CIAPIN1: variants seen among roughly 807,000 people sequenced by gnomAD.
CIAPIN1 encodes anamorsin.
In CIAPIN1, 18 loss-of-function variants were observed where a neutral mutation model predicts 34.3. The ratio of observed to expected loss-of-function variants is 0.52; its 90% CI spans 0.36 to 0.78. The LOEUF is 0.78. Among genes scored for constraint, CIAPIN1 ranks in the 30% least tolerant of loss-of-function variants. The pLI is 0.00. For synonymous variants in CIAPIN1, 131 were observed against 140.4 expected (o/e 0.93, Z 0.47); for missense variants, 310 against 372.5 (o/e 0.83, Z 1.38).
At chr16:57,438,758 G>T (rs529170069) in intron 3 of CIAPIN1, among the ~76,000 whole-genome samples, 2 of 152,084 alleles carry the variant, frequency 1.3e-5, no homozygotes, top group East Asian at 1.9e-4. Context: ...GATCTCCACC[G>T]CCACAATTTT....
intron 4 of CIAPIN1, among the ~76,000 whole-genome samples, chr16:57,436,345 A>G (rs1333957436): frequency 6.6e-6 from 1 of 152,124 alleles, no homozygotes; most frequent in Non-Finnish European, 1.5e-5. Context: ...CTCCTGCCTC[A>G]GCCTCCTGAG....
intron 5 of CIAPIN1, among the ~76,000 whole-genome samples, chr16:57,433,212 C>T (rs558435993): frequency 6.6e-6 from 1 of 152,332 alleles, no homozygotes; most frequent in South Asian, 2.1e-4. Flanking sequence ...AAGGAAGAGG[C>T]AGAGAGCTGA....
Position 57,434,211 on chromosome 16 carries a change from A to T in CIAPIN1, c.389T>A (p.Leu130Gln). 6.2e-7 allele frequency: 1 copy of T among 1,613,876 alleles called. No homozygotes were observed. The highest frequency in any genetic ancestry group is 1.1e-5 in the South Asian group (1 of 91,006). Residue 130 changes from leucine (L) to glutamine (Q), a missense_variant and splice_region_variant, in exon 5 of 9, where the codon CTG becomes CAG. Leu to Gln is a moderately radical substitution (Grantham distance 113, BLOSUM62 -2). Coordinates refer to ENST00000394391, the MANE Select transcript of CIAPIN1 (RefSeq NM_020313.4). ...CTCAGGGGTTAGGGGCTCCCGCTGC[A>T]GCTAGAATTCAAGACATCAAAAGGA... ...TLSGLVEVKE[L>Q]QREPLTPEEV...
chr16:57,433,523 CTGTGTGTGTG>C (rs147834361), intron 5 of CIAPIN1: 4 of 156,034 alleles, frequency 2.6e-5, no homozygotes, highest in African/African-American at 4.9e-5. Context: ...GAGGATGGAG[CTGTGTGTGTG>C]TGTGTGTGTG....
In CIAPIN1 at chr16:57,430,317, G is replaced by C. The variant is rs767739743; in HGVS notation, c.769C>G (p.Leu257Val). 1.2e-6 allele frequency: 2 copies of C among 1,614,192 alleles called. No individual in the cohort carries two copies. Among genetic ancestry groups the C allele is most frequent in the Non-Finnish European group, 1.7e-6 (2 of 1,180,028 alleles). The change falls in exon 8 of 9, where the codon CTG becomes GTG. Residue 257 changes from leucine (L) to valine (V), a missense_variant. Leu to Val is a conservative substitution (Grantham distance 32). Coordinates refer to ENST00000394391, the MANE Select transcript of CIAPIN1 (RefSeq NM_020313.4). ...KNCTCGLAEE[L>V]EKEKSREQMS... ...TGTTCCCTTGACTTCTCTTTTTCCA[G>C]TTCTTCGGCAAGGCCACAGGTGCTG...
rs11557672 is a variant in CIAPIN1 at position 57,440,828 on chromosome 16, G to T, written c.101C>A (p.Ala34Glu). The stretch of plus-strand genomic sequence containing the variant: ...CACGCGGCCCTCATTGCCGGTTAAC[G>T]CTTGAAGCTTATCCACCAGACCTTT... ...ALKGLVDKLQ[A>E]LTGNEGRVSV... The change falls in exon 2 of 9, where the codon GCG becomes GAG. Residue 34 changes from alanine (A) to glutamate (E), a missense_variant. Physicochemically the swap from Ala to Glu is moderately radical, Grantham distance 107 (BLOSUM62 -1). Coordinates refer to ENST00000394391, the MANE Select transcript of CIAPIN1 (RefSeq NM_020313.4). The T allele has an allele frequency of 2.3e-3, 3,686 of 1,613,872 alleles. 63 individuals are homozygous for T. The African/African-American group carries it at 0.04, about 18-fold the overall frequency.
chr16:57,429,131 T>C lies in CIAPIN1; in HGVS notation c.*39A>G. On this transcript the variant is annotated 3_prime_UTR_variant, in exon 9 of 9. Transcript: ENST00000394391. The stretch of plus-strand genomic sequence containing the variant: ...CATGGTGGGATGTGAGGGACAGGAG[T>C]TGGCTGGAGGAGCAGATGGGTCCCA... 7.1e-7 allele frequency: 1 copy of C among 1,398,942 alleles called. No homozygotes were observed. Among genetic ancestry groups the C allele is most frequent in the Non-Finnish European group, 1.0e-6 (1 of 986,668 alleles). The allele number at this position is 1,398,942 out of a possible 1,614,324, so 86.7% of individuals were successfully genotyped here.
Position 57,432,473 on chromosome 16 carries a change from T to G in CIAPIN1, c.630+14A>C, listed in dbSNP as rs1323008860. 1 of 1,612,878 alleles carries G rather than the reference T, an allele frequency of 6.2e-7. No homozygotes were observed. The highest frequency in any genetic ancestry group is 1.1e-5 in the South Asian group (1 of 90,968). ...CTGAAAGAAAGCAATCAAGTGACAA[T>G]GCTGCCAGCTCACCATGCTGTCGTC... On this transcript the variant is annotated intron_variant, in intron 6 of 8. Coordinates refer to ENST00000394391, the MANE Select transcript of CIAPIN1 (RefSeq NM_020313.4).
rs779414118 is a variant in CIAPIN1 at position 57,440,776 on chromosome 16, C to T, written c.153G>A (p.Leu51=). ...RVSVENIKQL[L]QSAHKESSFD... ...ACAACGTGGGTGGGTACTTACATTG[C>T]AACAGCTGCTTGATGTTTTCCACAG... The change falls in exon 2 of 9, where the codon TTG becomes TTA. Residue 51 remains leucine, a synonymous_variant. Coordinates refer to ENST00000394391, the MANE Select transcript of CIAPIN1 (RefSeq NM_020313.4). 31 of 1,611,588 alleles carry T rather than the reference C, an allele frequency of 1.9e-5. No homozygotes were observed. In the Admixed American group the frequency reaches 5.2e-4, roughly 27 times the overall value.
In CIAPIN1 at chr16:57,439,198, T is replaced by C; in HGVS notation, c.294A>G (p.Pro98=). The change falls in exon 3 of 9, where the codon CCA becomes CCG. Residue 98 remains proline (P), a synonymous_variant. Coordinates refer to ENST00000394391, the MANE Select transcript of CIAPIN1 (RefSeq NM_020313.4). ...RPGGCLFLKE[P]VETAVDNNSK... ...TCTCCTTACCTACAGCTGTCTCTACTGGCTCCTTCAGAAAAAGACATCCAC... is the reference window on the plus strand; with the variant it reads ...TCTCCTTACCTACAGCTGTCTCTACCGGCTCCTTCAGAAAAAGACATCCAC... 6.2e-7 allele frequency: 1 copy of C among 1,613,794 alleles called. No individual in the cohort carries two copies. The highest frequency in any genetic ancestry group is 8.5e-7 in the Non-Finnish European group (1 of 1,179,984).
Position 57,429,094 on chromosome 16 carries a change from G to A in CIAPIN1, c.*76C>T. ...CAGAGTGAACAAATCCAGAGGAGGTGGGAGGAGCCACCATGGTGGGATGTG... is the reference window on the plus strand; with the variant it reads ...CAGAGTGAACAAATCCAGAGGAGGTAGGAGGAGCCACCATGGTGGGATGTG... On this transcript the variant is annotated 3_prime_UTR_variant, in exon 9 of 9. Transcript: ENST00000394391. 1 of 987,296 alleles carries A rather than the reference G, an allele frequency of 1.0e-6. No individual in the cohort carries two copies. The highest frequency in any genetic ancestry group is 1.6e-6 in the Non-Finnish European group (1 of 619,016). 61.2% of individuals were successfully genotyped at this position (987,296 alleles called of 1,614,324 possible).
chr16:57,432,503 A>G lies in CIAPIN1; in HGVS notation c.614T>C (p.Met205Thr). ...CCAGCTCACCATGCTGTCGTCCTCC[A>G]TATCGTTGGCTGAGAGGGTCCACAG... ...AKLWTLSAND[M>T]EDDSMDLIDS... is the part of the protein sequence containing the mutation. Residue 205 changes from methionine (M) to threonine (T), a missense_variant, in exon 6 of 9, where the codon ATG becomes ACG. Physicochemically the swap from Met to Thr is moderately conservative, Grantham distance 81 (BLOSUM62 -1). Transcript: ENST00000394391. The G allele has an allele frequency of 6.8e-6, 11 of 1,613,656 alleles. No individual in the cohort carries two copies. The highest frequency in any genetic ancestry group is 9.3e-6 in the Non-Finnish European group (11 of 1,179,902).
intron 5 of CIAPIN1, chr16:57,433,548 C>A (rs565822502): frequency 5.5e-6 from 1 of 180,330 alleles, no homozygotes; most frequent in Non-Finnish European, 1.2e-5. Flanking sequence ...TGTGTGCGTG[C>A]GCGTGCGTGC....
At chr16:57,444,839 A>G (rs2029990354) in intron 1 of CIAPIN1, among the ~76,000 whole-genome samples, 1 of 152,196 alleles carries the variant, frequency 6.6e-6, no homozygotes, top group Non-Finnish European at 1.5e-5. Flanking sequence ...CCGTAAGGAA[A>G]AAGTGTCCAG....
chr16:57,444,157 G>C (rs2029965904), intron 1 of CIAPIN1, among the ~76,000 whole-genome samples: 1 of 152,184 alleles, frequency 6.6e-6, no homozygotes, highest in Non-Finnish European at 1.5e-5. Context: ...ATAGGGCACA[G>C]GTTTTGAGTG....
At chr16:57,439,981 G>A (rs1903290998) in intron 2 of CIAPIN1, among the ~76,000 whole-genome samples, 1 of 152,242 alleles carries the variant, frequency 6.6e-6, no homozygotes, top group African/African-American at 2.4e-5. Flanking sequence ...GACTGCCTGA[G>A]AGCCAGGCGG....
intron 3 of CIAPIN1, among the ~76,000 whole-genome samples, chr16:57,437,237 T>C (rs1187615472): frequency 6.6e-6 from 1 of 152,210 alleles, no homozygotes; most frequent in Non-Finnish European, 1.5e-5. Context: ...AGTATGAAAG[T>C]AATACTCATT....
At chr16:57,429,784 A>T (rs375319795) in intron 8 of CIAPIN1, among the ~76,000 whole-genome samples, 1 of 140,912 alleles carries the variant, frequency 7.1e-6, no homozygotes, top group Non-Finnish European at 1.5e-5. Context: ...GAGCCACCGC[A>T]CCCGGCCTTT....
At chr16:57,443,820 G>A (rs747985494) in intron 1 of CIAPIN1, among the ~76,000 whole-genome samples, 222 of 152,114 alleles carry the variant, frequency 1.5e-3, no homozygotes, top group Non-Finnish European at 2.0e-3. Flanking sequence ...ACATGATGTC[G>A]AGGAAGAACC....
Sources: gnomAD v4.1 joint callset for allele counts (sites outside exome capture counted in the v4.1 genomes callset) on GRCh38, gnomAD v4.1.1 for gene constraint, MANE v1.5 for transcripts, NCBI Gene and HGNC (gene_info 2026-07-23, HGNC 2026-07-21) for gene names.